The following PPP6R2 variants were observed in gnomAD, a reference collection of about 807,000 sequenced individuals.
PPP6R2 encodes protein phosphatase 6 regulatory subunit 2, also known as serine/threonine-protein phosphatase 6 regulatory subunit 2.
In PPP6R2, 62 loss-of-function variants were observed where a neutral mutation model predicts 100.2. The ratio of observed to expected loss-of-function variants is 0.62; its 90% CI spans 0.50 to 0.76. PPP6R2 has a LOEUF of 0.76. PPP6R2 is among the 30% of genes least tolerant of loss of function. PPP6R2 has a pLI of 0.00. For missense variants in PPP6R2, 1,142 were observed against 1,276.3 expected, an observed-to-expected ratio of 0.89 and a Z score of 1.60; for synonymous variants, 525 against 514.7, an observed-to-expected ratio of 1.02 and a Z score of -0.27.
chr22:50,438,668 G>A lies in PPP6R2; in HGVS notation c.2034G>A (p.Lys678=). 6.2e-7 allele frequency: 1 copy of A among 1,614,020 alleles called. No homozygotes were observed. Among genetic ancestry groups the A allele is most frequent in the East Asian group, 2.2e-5 (1 of 44,870 alleles). ...CAGAGCGTGGAGGCCAGGATGGGAAGGCGAGCTTGGAAGCACACAGAGATG... is the reference window on the plus strand; with the variant it reads ...CAGAGCGTGGAGGCCAGGATGGGAAAGCGAGCTTGGAAGCACACAGAGATG... ...NGPERGGQDG[K]ASLEAHRDAP... The change falls in exon 19 of 24, where the codon AAG becomes AAA. Residue 678 remains lysine (K), a synonymous_variant. Coordinates refer to ENST00000612753, the MANE Select transcript of PPP6R2 (RefSeq NM_001242898.2).
chr22:50,384,035 CAAAAAA>C (rs547396966), intron 2 of PPP6R2, among the ~76,000 whole-genome samples: 1 of 75,928 alleles, frequency 1.3e-5, no homozygotes, highest in Non-Finnish European at 2.5e-5. Flanking sequence ...GACTCCATCT[CAAAAAA>C]AAAAAAAAAA....
At chr22:50,355,573 T>C (rs1296840341) in intron 1 of PPP6R2, among the ~76,000 whole-genome samples, 3 of 141,366 alleles carry the variant, frequency 2.1e-5, no homozygotes, top group Admixed American at 7.4e-5. Context: ...CAGGCTGGAG[T>C]GCAGTGGTGC....
At chr22:50,370,175 A>G (rs2049741728) in intron 1 of PPP6R2, among the ~76,000 whole-genome samples, 1 of 152,014 alleles carries the variant, frequency 6.6e-6, no homozygotes, top group African/African-American at 2.4e-5. Flanking sequence ...ATCTGATTTT[A>G]TTTTCTGAAT....
chr22:50,387,458 G>A (rs770789526), intron 2 of PPP6R2, among the ~76,000 whole-genome samples: 2 of 152,004 alleles, frequency 1.3e-5, no homozygotes, highest in South Asian at 2.1e-4. Context: ...TTTTTTCCCC[G>A]GTGGACTATG....
At chr22:50,342,442 C>T (rs1057205855), upstream of PPP6R2, among the ~76,000 whole-genome samples, 11 of 152,246 alleles carry the variant, frequency 7.2e-5, no homozygotes, top group Admixed American at 7.2e-4. Flanking sequence ...GGGCCGCCAG[C>T]CGCAGGGCCA....
chr22:50,422,914 G>C (rs372867175), intron 9 of PPP6R2, among the ~76,000 whole-genome samples: 2 of 152,330 alleles, frequency 1.3e-5, no homozygotes, highest in South Asian at 2.1e-4. Flanking sequence ...CGAGCTCTGT[G>C]GGGGCCAAGA....
chr22:50,406,759 G>C lies in PPP6R2; in HGVS notation c.298G>C (p.Glu100Gln), dbSNP rs769883291. Residue 100 changes from glutamate (E) to glutamine (Q), a missense_variant, in exon 4 of 24, where the codon GAG becomes CAG. Physicochemically the swap from Glu to Gln is conservative, Grantham distance 29 (BLOSUM62 2). Transcript: ENST00000612753. The part of the protein sequence containing the change: ...PQISDRLGGD[E>Q]SLLSLLYDFL... ...GATCAGCGACCGCCTCGGTGGGGAC[G>C]AGAGCCTGCTGAGCCTCCTGTACGA... 1 of 1,613,896 alleles carries C rather than the reference G, an allele frequency of 6.2e-7. No homozygotes were observed. The highest frequency in any genetic ancestry group is 1.1e-5 in the South Asian group (1 of 91,066).
chr22:50,371,376 G>C (rs1223912768), intron 1 of PPP6R2, among the ~76,000 whole-genome samples: 1 of 152,024 alleles, frequency 6.6e-6, no homozygotes, highest in Non-Finnish European at 1.5e-5. Context: ...CTAAGGAGGT[G>C]TGAACCAGCT....
chr22:50,424,803 A>G (rs1316628023), intron 10 of PPP6R2, among the ~76,000 whole-genome samples: 2 of 151,438 alleles, frequency 1.3e-5, no homozygotes, highest in Non-Finnish European at 2.9e-5. Flanking sequence ...ATGCCCAGCT[A>G]ATTTTTTTTT....
At chr22:50,387,567 C>G (rs1250787563) in intron 2 of PPP6R2, among the ~76,000 whole-genome samples, 2 of 152,154 alleles carry the variant, frequency 1.3e-5, no homozygotes, top group Non-Finnish European at 1.5e-5. Context: ...AAATGGAAAT[C>G]AAGCATTCAG....
intron 1 of PPP6R2, among the ~76,000 whole-genome samples, chr22:50,349,525 AC>A (rs2044534849): frequency 1.3e-5 from 2 of 151,738 alleles, no homozygotes; most frequent in Admixed American, 6.6e-5. Flanking sequence ...ATAAAAGCAC[AC>A]CCACAAAAGC....
At chr22:50,375,573 C>T (rs1291828095) in intron 2 of PPP6R2, among the ~76,000 whole-genome samples, 3 of 152,118 alleles carry the variant, frequency 2.0e-5, no homozygotes, top group Admixed American at 1.3e-4. Context: ...TGCCTCACAC[C>T]GTTCCTTGCC....
intron 6 of PPP6R2, 26 bp downstream of exon 6, chr22:50,416,183 G>C: frequency 6.2e-7 from 1 of 1,603,332 alleles, no homozygotes; most frequent in Non-Finnish European, 8.5e-7. Flanking sequence ...ACCGAGCTTC[G>C]TGCATCAGTC....
rs77908358 is a variant in PPP6R2, at chr22:50,400,143, G to C, written c.227+6008G>C. On this transcript the variant is annotated intron_variant, in intron 3 of 23. Coordinates refer to ENST00000612753, the MANE Select transcript of PPP6R2 (RefSeq NM_001242898.2). Reference sequence around the variant, plus strand: ...AGCGGGCCCCCAGGAAGCACCCCCTGCCGCAGAGAGACTTGCTGCACTCAG... The same window carrying C: ...AGCGGGCCCCCAGGAAGCACCCCCTCCCGCAGAGAGACTTGCTGCACTCAG... 5.0e-3 allele frequency among the ~76,000 whole-genome samples: 755 copies of C among 152,356 alleles called. 4 individuals are homozygous for C. The highest frequency in any genetic ancestry group is 0.017 in the African/African-American group (720 of 41,584).
At chr22:50,394,287 TG>T in intron 3 of PPP6R2, 152 bp downstream of exon 3, 1 of 1,245,226 alleles carries the variant, frequency 8.0e-7, no homozygotes, top group Non-Finnish European at 1.1e-6. Flanking sequence ...GGCACTCCCA[TG>T]GGGTCTGAGG....
intron 13 of PPP6R2, among the ~76,000 whole-genome samples, chr22:50,435,649 C>T (rs2064076113): frequency 6.6e-6 from 1 of 152,158 alleles, no homozygotes; most frequent in African/African-American, 2.4e-5. Flanking sequence ...TCTGGATAGT[C>T]CTCCCCGCAC....
intron 4 of PPP6R2, among the ~76,000 whole-genome samples, chr22:50,409,975 G>A (rs1213565646): frequency 6.6e-6 from 1 of 152,190 alleles, no homozygotes; most frequent in Non-Finnish European, 1.5e-5. Flanking sequence ...TGATCTGCCT[G>A]CTTCAGCTTC....
At chr22:50,398,789 G>A (rs2057545588) in intron 3 of PPP6R2, among the ~76,000 whole-genome samples, 2 of 152,100 alleles carry the variant, frequency 1.3e-5, no homozygotes, top group South Asian at 4.1e-4. Context: ...TGCTAGGATA[G>A]TGCTAAGATT....
chr22:50,385,893 G>C (rs955760362), intron 2 of PPP6R2, among the ~76,000 whole-genome samples: 3 of 126,954 alleles, frequency 2.4e-5, no homozygotes, highest in Non-Finnish European at 4.7e-5. Flanking sequence ...ACTCGATCTA[G>C]GCTCACTGCA....
Sources: gnomAD v4.1 joint callset for allele counts (sites outside exome capture counted in the v4.1 genomes callset) on GRCh38, gnomAD v4.1.1 for gene constraint, MANE v1.5 for transcripts, NCBI Gene and HGNC (gene_info 2026-07-23, HGNC 2026-07-21) for gene names.